Variants in UTRN observed in about 807,000 individuals in gnomAD.
UTRN encodes utrophin, also known as dystrophin-related protein 1.
In UTRN, 283 loss-of-function variants were observed where a neutral mutation model predicts 463.9. That is an observed-to-expected ratio of 0.61 (90% confidence interval 0.55 to 0.67). The LOEUF (loss-of-function observed/expected upper bound fraction) is 0.67. Ranked by LOEUF, UTRN falls within the 30% of genes least tolerant of loss-of-function variation. The probability of loss-of-function intolerance (pLI) is 0.00; values close to 1 mark genes in which losing one functional copy is unlikely to be tolerated. For missense variants in UTRN, 3,922 were observed against 4,084.3 expected (o/e 0.96, Z 1.08); for synonymous variants, 1,442 against 1,431.5 (o/e 1.01, Z -0.17).
At chr6:144,650,649 G>C (rs1174291643) in intron 51 of UTRN, among the ~76,000 whole-genome samples, 1 of 152,162 alleles carries the variant, frequency 6.6e-6, no homozygotes, top group South Asian at 2.1e-4. Flanking sequence ...CGTGGCTCAC[G>C]CCTGTAACCC....
At chr6:144,554,657 A>G (rs776235319) in intron 48 of UTRN, 31 bp from the exon 49 acceptor site, 2 of 1,596,770 alleles carry the variant, frequency 1.3e-6, no homozygotes, top group African/African-American at 1.4e-5. Context: ...ACATGTTGGG[A>G]TTTTTTTTTC....
Position 144,533,219 on chromosome 6 carries a change from C to T in UTRN, c.6192C>T (p.Arg2064=). The T allele has an allele frequency of 6.2e-7, 1 of 1,614,136 alleles. No individual in the cohort carries two copies. Among genetic ancestry groups the T allele is most frequent in the Non-Finnish European group, 8.5e-7 (1 of 1,179,988 alleles). ...LKEKLAGLNQ[R]WDAIVAEVKD... The stretch of plus-strand genomic sequence containing the variant: ...AAAAACTGGCAGGTTTAAACCAACG[C>T]TGGGATGCAATTGTTGCAGAAGTGA... The change falls in exon 43 of 75, where the codon CGC becomes CGT. Residue 2064 remains arginine, a synonymous_variant. Transcript: ENST00000367545.
intron 48 of UTRN, 92 bp downstream of exon 48, chr6:144,551,174 C>A: frequency 1.3e-6 from 1 of 742,998 alleles, no homozygotes; most frequent in Non-Finnish European, 2.0e-6. Context: ...CACACAAACA[C>A]ATTTTCAAAG....
At chr6:144,344,647 C>T (rs555066116) in intron 2 of UTRN, among the ~76,000 whole-genome samples, 1 of 152,316 alleles carries the variant, frequency 6.6e-6, no homozygotes, top group South Asian at 2.1e-4. Flanking sequence ...TGTTTACTGC[C>T]ATCTAGAGAA....
At chr6:144,560,625 G>A (rs541526622) in intron 50 of UTRN, among the ~76,000 whole-genome samples, 12 of 152,180 alleles carry the variant, frequency 7.9e-5, no homozygotes, top group African/African-American at 2.9e-4. Context: ...TTCAATATCA[G>A]CTTTCAAAGG....
At chr6:144,575,086 G>T (rs2128623803) in intron 50 of UTRN, among the ~76,000 whole-genome samples, 1 of 152,274 alleles carries the variant, frequency 6.6e-6, no homozygotes, top group East Asian at 1.9e-4. Flanking sequence ...GTTTTAACAT[G>T]AAGTAATGTC....
chr6:144,557,302 TCAAA>T lies in UTRN; in HGVS notation c.7285_7288del (p.Gln2429ValfsTer27). On this transcript the variant is annotated frameshift_variant, in exon 50 of 75. Transcript: ENST00000367545. LOFTEE classifies it high-confidence loss of function. The stretch of plus-strand genomic sequence containing the variant: ...TACTTAAAAACATCATGGATCAATC[TCAAA>T]CAAAGGTAAGTCTAAGGCCCTGGCA... 1 of 1,613,042 alleles carries T rather than the reference TCAAA, an allele frequency of 6.2e-7. No individual in the cohort carries two copies.
At chr6:144,640,069 A>G (rs1777614791) in intron 51 of UTRN, among the ~76,000 whole-genome samples, 1 of 151,840 alleles carries the variant, frequency 6.6e-6, no homozygotes, top group Non-Finnish European at 1.5e-5. Flanking sequence ...AGATTGAGAG[A>G]CAGAGAGAGA....
At chr6:144,836,615 T>C (rs1403233109) in intron 71 of UTRN, 74 bp downstream of exon 71, 1 of 1,574,652 alleles carries the variant, frequency 6.4e-7, no homozygotes, top group Non-Finnish European at 8.6e-7. Flanking sequence ...ATGGTCCAGG[T>C]GTCAGGAGAG....
intron 2 of UTRN, among the ~76,000 whole-genome samples, chr6:144,379,844 T>C (rs2114733677): frequency 6.6e-6 from 1 of 152,306 alleles, no homozygotes; most frequent in South Asian, 2.1e-4. Flanking sequence ...GCGTGACCAC[T>C]TAGTAAAAGT....
intron 33 of UTRN, among the ~76,000 whole-genome samples, chr6:144,497,055 C>T (rs913019775): frequency 6.6e-6 from 1 of 152,052 alleles, no homozygotes; most frequent in Non-Finnish European, 1.5e-5. Flanking sequence ...AAATCTGTGT[C>T]TTAAGCAGTT....
At chr6:144,502,374 A>G (rs1011347337) in intron 34 of UTRN, among the ~76,000 whole-genome samples, 1 of 151,936 alleles carries the variant, frequency 6.6e-6, no homozygotes, top group African/African-American at 2.4e-5. Context: ...CCCGTCATCT[A>G]CATTAGGTAT....
intron 53 of UTRN, among the ~76,000 whole-genome samples, chr6:144,703,768 T>A (rs1784818933): frequency 6.6e-6 from 1 of 152,024 alleles, no homozygotes; most frequent in South Asian, 2.1e-4. Flanking sequence ...GGAAGCATGA[T>A]TGGAGTAGAT....
At chr6:144,492,679 C>T (rs1057279124) in intron 32 of UTRN, among the ~76,000 whole-genome samples, 1 of 152,168 alleles carries the variant, frequency 6.6e-6, no homozygotes, top group East Asian at 1.9e-4. Context: ...TTGCCAGCAT[C>T]TGTTGTTTTT....
intron 58 of UTRN, among the ~76,000 whole-genome samples, chr6:144,768,964 T>G (rs867958730): frequency 0.043 from 6,314 of 148,046 alleles, 418 homozygotes; most frequent in African/African-American, 0.14. Flanking sequence ...TTTTGTTTTT[T>G]TTTTTTTAAT....
chr6:144,469,393 G>T (rs375513031), intron 23 of UTRN, among the ~76,000 whole-genome samples: 1 of 152,300 alleles, frequency 6.6e-6, no homozygotes, highest in South Asian at 2.1e-4. Flanking sequence ...CTATGTGGGA[G>T]TCTCTGTTTT....
intron 44 of UTRN, 68 bp from the exon 45 acceptor site, chr6:144,539,226 T>A: frequency 6.9e-7 from 1 of 1,452,024 alleles, no homozygotes; most frequent in Non-Finnish European, 9.2e-7. Flanking sequence ...AAAAGGTTTC[T>A]AATACAGTTC....
chr6:144,839,194 A>C lies in UTRN; in HGVS notation c.10087A>C (p.Asn3363His). The C allele has an allele frequency of 1.2e-6, 2 of 1,614,104 alleles. No individual in the cohort carries two copies. The highest frequency in any genetic ancestry group is 8.5e-7 in the Non-Finnish European group (1 of 1,179,966). The change falls in exon 72 of 75, where the codon AAT becomes CAT. Residue 3363 changes from asparagine (N) to histidine (H), a missense_variant. By Grantham distance (68) the Asn-to-His change is moderately conservative. Coordinates refer to ENST00000367545, the MANE Select transcript of UTRN (RefSeq NM_007124.3). ...LEQPESDSRI[N>H]GVSPWASPQH... Reference sequence around the variant, plus strand: ...CCAGCCTGAATCTGATTCCCGAATCAATGGTGTTTCCCCATGGGCTTCTCC... The same window carrying C: ...CCAGCCTGAATCTGATTCCCGAATCCATGGTGTTTCCCCATGGGCTTCTCC...
intron 41 of UTRN, among the ~76,000 whole-genome samples, chr6:144,529,353 C>T (rs1488210029): frequency 1.3e-5 from 2 of 152,202 alleles, no homozygotes; most frequent in Non-Finnish European, 2.9e-5. Context: ...TAGATTCTCT[C>T]AGTTTTCCTG....
Sources: allele counts gnomAD v4.1 joint callset (sites outside exome capture counted in the v4.1 genomes callset), GRCh38; gene constraint gnomAD v4.1.1; transcripts MANE v1.5; gene names NCBI Gene and HGNC (gene_info 2026-07-23, HGNC 2026-07-21).